The following PTK2B variants were observed in gnomAD, a reference collection of about 807,000 sequenced individuals.
The protein encoded by PTK2B is protein tyrosine kinase 2 beta.
In PTK2B, 71 loss-of-function variants were observed where a neutral mutation model predicts 142.9. The ratio of observed to expected loss-of-function variants is 0.50; its 90% CI spans 0.41 to 0.61. The LOEUF (loss-of-function observed/expected upper bound fraction) is 0.61. PTK2B is among the 20% of genes least tolerant of loss of function. PTK2B has a pLI of 0.00. For missense variants in PTK2B, 1,105 were observed against 1,320.4 expected (o/e 0.84, Z 2.53); for synonymous variants, 519 against 503.4 (o/e 1.03, Z -0.42).
upstream of PTK2B, chr8:27,311,277 GCC>G (rs1392600910): frequency 1.4e-6 from 2 of 1,459,422 alleles, no homozygotes; most frequent in East Asian, 5.0e-5. Flanking sequence ...TTTTGCTCCG[GCC>G]CCTCCCACCC....
intron 1 of PTK2B, among the ~76,000 whole-genome samples, chr8:27,347,640 A>G (rs144007343): frequency 9.2e-5 from 14 of 152,262 alleles, no homozygotes; most frequent in Non-Finnish European, 1.9e-4. Context: ...CACCAGCCAT[A>G]CTGGATTAGG....
At chr8:27,421,105 T>G (rs1809719133) in intron 4 of PTK2B, among the ~76,000 whole-genome samples, 1 of 152,186 alleles carries the variant, frequency 6.6e-6, no homozygotes, top group African/African-American at 2.4e-5. Flanking sequence ...TTCACTAATC[T>G]GATAGCCTGG....
intron 3 of PTK2B, among the ~76,000 whole-genome samples, chr8:27,319,462 G>A (rs1215006612): frequency 1.3e-5 from 2 of 151,026 alleles, no homozygotes; most frequent in African/African-American, 4.9e-5. Context: ...CTAACATGGT[G>A]AAACCCCGTC....
chr8:27,436,881 A>C (rs563440867), intron 15 of PTK2B, among the ~76,000 whole-genome samples: 2 of 152,156 alleles, frequency 1.3e-5, no homozygotes, highest in Non-Finnish European at 2.9e-5. Flanking sequence ...CCTCATCTGG[A>C]TGGCCAGGGG....
intron 1 of PTK2B, among the ~76,000 whole-genome samples, chr8:27,328,827 C>G (rs143487167): frequency 1.3e-5 from 2 of 152,244 alleles, no homozygotes; most frequent in African/African-American, 2.4e-5. Context: ...CCAAGCAGGT[C>G]GTTCAGAAGG....
chr8:27,390,713 T>TC (rs1489757747), intron 1 of PTK2B, among the ~76,000 whole-genome samples: 48 of 152,286 alleles, frequency 3.2e-4, no homozygotes, highest in African/African-American at 1.1e-3. Flanking sequence ...TCTAATTCTC[T>TC]CTTCTTCCAA....
At chr8:27,403,441 A>G (rs770794210) in intron 2 of PTK2B, among the ~76,000 whole-genome samples, 12 of 152,192 alleles carry the variant, frequency 7.9e-5, no homozygotes, top group Non-Finnish European at 1.8e-4. Flanking sequence ...TCCATGTTGT[A>G]AAAAGCTTTG....
chr8:27,456,032 AC>A (rs1812119469), intron 30 of PTK2B, among the ~76,000 whole-genome samples: 1 of 152,194 alleles, frequency 6.6e-6, no homozygotes, highest in Admixed American at 6.5e-5. Flanking sequence ...CAGTGACAAC[AC>A]ATACAGGAGC....
intron 3 of PTK2B, 58 bp downstream of exon 3, chr8:27,420,131 G>A: frequency 6.3e-7 from 1 of 1,593,634 alleles, no homozygotes; most frequent in Non-Finnish European, 8.6e-7. Flanking sequence ...GGGTGGGGAG[G>A]CCCTGGGAGT....
At chr8:27,440,959 GGAA>G (rs1420687987) in intron 21 of PTK2B, among the ~76,000 whole-genome samples, 1 of 152,056 alleles carries the variant, frequency 6.6e-6, no homozygotes, top group Admixed American at 6.5e-5. Flanking sequence ...AGGTCACTGG[GGAA>G]GAAGGTCATC....
Position 27,434,432 on chromosome 8 carries a change from G to A in PTK2B, c.1146-81G>A, listed in dbSNP as rs971789563. 1.3e-5 allele frequency: 19 copies of A among 1,432,500 alleles called. No homozygotes were observed. In the African/African-American group the frequency reaches 2.0e-4, roughly 15 times the overall value. 88.7% of individuals were successfully genotyped at this position (1,432,500 alleles called of 1,614,324 possible). A position where few individuals can be genotyped will look rare whatever the true frequency, so the allele number is the denominator to read the frequency against. The stretch of plus-strand genomic sequence containing the variant: ...GACTACTTCTCCACAGGGGGCAGGA[G>A]GAGAGGGCGGGCCGAGGCTGCCCAG... On this transcript the variant is annotated intron_variant, in intron 12 of 30. Transcript: ENST00000346049.
In PTK2B at chr8:27,458,568, G is replaced by A. The variant is rs1264200477; in HGVS notation, c.*59G>A. 6.6e-7 allele frequency: 1 copy of A among 1,513,564 alleles called. No individual in the cohort carries two copies. The highest frequency in any genetic ancestry group is 8.9e-7 in the Non-Finnish European group (1 of 1,121,550). 93.8% of individuals were successfully genotyped at this position (1,513,564 alleles called of 1,614,324 possible). A position where few individuals can be genotyped will look rare whatever the true frequency, so the allele number is the denominator to read the frequency against. ...CCCCTGCCTGCCATGTACCTCCCCTGCCTTGCTGTTGGTCATGTGGGTCTT... is the reference window on the plus strand; with the variant it reads ...CCCCTGCCTGCCATGTACCTCCCCTACCTTGCTGTTGGTCATGTGGGTCTT... On this transcript the variant is annotated 3_prime_UTR_variant, in exon 31 of 31. Transcript: ENST00000346049.
intron 2 of PTK2B, among the ~76,000 whole-genome samples, chr8:27,418,725 C>G (rs1191307359): frequency 6.6e-6 from 1 of 152,130 alleles, no homozygotes; most frequent in Non-Finnish European, 1.5e-5. Flanking sequence ...CATGAGAAAC[C>G]TAAGTTAAAA....
chr8:27,447,024 C>T (rs1056695672), intron 24 of PTK2B, among the ~76,000 whole-genome samples: 7 of 152,206 alleles, frequency 4.6e-5, no homozygotes, highest in Non-Finnish European at 8.8e-5. Context: ...TTTCTCCACC[C>T]TCCTGCCTTT....
chr8:27,327,211 G>T (rs1803474479), intron 1 of PTK2B, among the ~76,000 whole-genome samples: 1 of 152,274 alleles, frequency 6.6e-6, no homozygotes, highest in East Asian at 1.9e-4. Context: ...GCGTGCAGGG[G>T]CGAGGGGAAG....
At chr8:27,339,951 C>T (rs959070057) in intron 1 of PTK2B, among the ~76,000 whole-genome samples, 1 of 152,242 alleles carries the variant, frequency 6.6e-6, no homozygotes, top group Non-Finnish European at 1.5e-5. Flanking sequence ...TCGGTCAGGA[C>T]GGAGTCTCAC....
At chr8:27,458,172 T>C (rs967870102) in intron 30 of PTK2B, 122 bp from the exon 31 acceptor site, 14 of 979,638 alleles carry the variant, frequency 1.4e-5, no homozygotes, top group Non-Finnish European at 2.1e-5. Context: ...CTAGGTCTGA[T>C]TTGCTTCCAG....
intron 21 of PTK2B, among the ~76,000 whole-genome samples, chr8:27,441,445 T>A (rs546144961): frequency 3.5e-4 from 53 of 152,374 alleles, no homozygotes; most frequent in Middle Eastern, 3.4e-3. Context: ...ATATTTTTAA[T>A]ACTGTACTTT....
chr8:27,392,887 T>G (rs549712245), intron 1 of PTK2B, among the ~76,000 whole-genome samples: 59 of 152,270 alleles, frequency 3.9e-4, no homozygotes, highest in Non-Finnish European at 6.9e-4. Flanking sequence ...TAGTGTTGAG[T>G]CCGTCTAGGA....
Sources: gnomAD v4.1 joint callset for allele counts (sites outside exome capture counted in the v4.1 genomes callset) on GRCh38, gnomAD v4.1.1 for gene constraint, MANE v1.5 for transcripts, NCBI Gene and HGNC (gene_info 2026-07-23, HGNC 2026-07-21) for gene names.